Variants in ERC2 observed in about 807,000 individuals in gnomAD.
ERC2 encodes ERC protein 2.
A neutral mutation model predicts 114.8 loss-of-function variants in ERC2; 42 were observed. That is an observed-to-expected ratio of 0.37 (90% confidence interval 0.29 to 0.47). The LOEUF (loss-of-function observed/expected upper bound fraction) is 0.47, where lower values mean the gene tolerates loss of function less well. Ranked by LOEUF, ERC2 falls within the 20% of genes least tolerant of loss-of-function variation. The probability of loss-of-function intolerance (pLI) is 0.99; values close to 1 mark genes in which losing one functional copy is unlikely to be tolerated. For synonymous variants in ERC2, 454 were observed against 425.5 expected (o/e 1.07, Z -0.82); for missense variants, 939 against 1,150.7 (o/e 0.82, Z 2.66).
intron 17 of ERC2, among the ~76,000 whole-genome samples, chr3:55,681,591 G>A (rs970847162): frequency 6.6e-6 from 1 of 152,174 alleles, no homozygotes; most frequent in African/African-American, 2.4e-5. Context: ...TTAAAAGCCT[G>A]AGGATATCTA....
intron 14 of ERC2, among the ~76,000 whole-genome samples, chr3:55,854,365 T>A (rs2149248735): frequency 6.6e-6 from 1 of 152,290 alleles, no homozygotes; most frequent in East Asian, 1.9e-4. Context: ...TTTGTAGTTG[T>A]TTTGTTTTGT....
intron 17 of ERC2, among the ~76,000 whole-genome samples, chr3:55,585,164 C>T (rs923211742): frequency 6.6e-6 from 1 of 152,176 alleles, no homozygotes; most frequent in South Asian, 2.1e-4. Flanking sequence ...GGTCCAGATT[C>T]TCTGGCCTGA....
rs1221772646 is a variant in ERC2 at position 56,170,609 on chromosome 3, T to G, written c.1149+2837A>C. Among the ~76,000 whole-genome samples the G allele has an allele frequency of 7.2e-4, 106 of 147,142 alleles. 1 individual carries two copies. The highest frequency in any genetic ancestry group is 2.7e-3 in the African/African-American group (104 of 39,218). On this transcript the variant is annotated intron_variant, in intron 4 of 17. Coordinates refer to ENST00000288221, the MANE Select transcript of ERC2 (RefSeq NM_015576.3). ...TGTTTTTTTTTTTTTTTTTTTTTTT[T>G]TTTTTGAGGTAGTGTCTCACTATGT... is the stretch of plus-strand genomic sequence containing the variant.
intron 17 of ERC2, among the ~76,000 whole-genome samples, chr3:55,566,786 C>A (rs903912039): frequency 1.8e-4 from 28 of 152,082 alleles, no homozygotes; most frequent in African/African-American, 6.5e-4. Context: ...GAAACCTCTG[C>A]CTCCTGGGTT....
chr3:55,797,515 C>T (rs572142242), intron 14 of ERC2, among the ~76,000 whole-genome samples: 18 of 152,274 alleles, frequency 1.2e-4, no homozygotes, highest in Admixed American at 9.8e-4. Flanking sequence ...CAGTCACTTG[C>T]GGTTCCCACT....
intron 14 of ERC2, among the ~76,000 whole-genome samples, chr3:55,864,154 T>TATATATAC (rs1559783061): frequency 1.1e-4 from 12 of 111,988 alleles, no homozygotes; most frequent in African/African-American, 4.6e-4. Flanking sequence ...TATATATATA[T>TATATATAC]ACACATATAT....
At chr3:56,186,486 T>C (rs2083625337) in intron 3 of ERC2, among the ~76,000 whole-genome samples, 1 of 152,166 alleles carries the variant, frequency 6.6e-6, no homozygotes, top group Non-Finnish European at 1.5e-5. Flanking sequence ...CCAATGTCTT[T>C]CTTACTACAG....
intron 17 of ERC2, among the ~76,000 whole-genome samples, chr3:55,616,275 A>G (rs2059118857): frequency 6.6e-6 from 1 of 151,478 alleles, no homozygotes. Context: ...TGAGGAACCA[A>G]GATTTGGATA....
chr3:56,341,996 C>T (rs2058107174), intron 2 of ERC2, among the ~76,000 whole-genome samples: 1 of 152,196 alleles, frequency 6.6e-6, no homozygotes, highest in Admixed American at 6.5e-5. Flanking sequence ...GGGAAGCAAG[C>T]ATGTGGTCCT....
In ERC2 at chr3:55,878,313, C is replaced by T. The variant is rs149456087; in HGVS notation, c.2564+10076G>A. ...TATACATACAGTGCATGTTTTTGGC[C>T]GGAAGACAGTGTGTCCCTTATTTTG... On this transcript the variant is annotated intron_variant, in intron 14 of 17. Coordinates refer to ENST00000288221, the MANE Select transcript of ERC2 (RefSeq NM_015576.3). Among the ~76,000 whole-genome samples, 1,406 of 152,140 alleles carry T rather than the reference C, an allele frequency of 9.2e-3. 9 individuals are homozygous for T. The highest frequency in any genetic ancestry group is 0.014 in the Non-Finnish European group (959 of 67,994).
intron 14 of ERC2, among the ~76,000 whole-genome samples, chr3:55,816,903 T>C (rs193163436): frequency 1.3e-3 from 195 of 152,288 alleles, no homozygotes; most frequent in Non-Finnish European, 2.2e-3. Flanking sequence ...TGAAAAGATT[T>C]TCTGCTGTCT....
intron 2 of ERC2, among the ~76,000 whole-genome samples, chr3:56,299,531 G>A (rs2055719663): frequency 6.6e-6 from 1 of 151,900 alleles, no homozygotes; most frequent in South Asian, 2.1e-4. Flanking sequence ...CTGGGTTCAA[G>A]TGATCCTCCC....
At chr3:55,927,406 GT>G (rs1033678415) in intron 13 of ERC2, among the ~76,000 whole-genome samples, 5 of 151,858 alleles carry the variant, frequency 3.3e-5, no homozygotes, top group Admixed American at 1.3e-4. Flanking sequence ...CCATCCTTTT[GT>G]TTTTTTGCTT....
intron 3 of ERC2, among the ~76,000 whole-genome samples, chr3:56,231,758 T>A (rs114566728): frequency 0.014 from 2,118 of 152,236 alleles, 54 homozygotes; most frequent in African/African-American, 0.048. Flanking sequence ...GATCTCTTCA[T>A]GAAAAATAAT....
At chr3:56,249,880 C>T (rs1421084240) in intron 3 of ERC2, among the ~76,000 whole-genome samples, 6 of 89,738 alleles carry the variant, frequency 6.7e-5, no homozygotes, top group Admixed American at 5.3e-4. Flanking sequence ...TTTTTTGAGA[C>T]GGAGTCTTAC....
At chr3:55,541,323 A>G (rs956922367) in intron 17 of ERC2, among the ~76,000 whole-genome samples, 12 of 152,090 alleles carry the variant, frequency 7.9e-5, no homozygotes, top group African/African-American at 2.9e-4. Context: ...AGACGCTGAA[A>G]CAGCCAAAAA....
At chr3:56,195,782 G>A (rs1025820461) in intron 3 of ERC2, among the ~76,000 whole-genome samples, 23 of 151,974 alleles carry the variant, frequency 1.5e-4, no homozygotes, top group African/African-American at 5.1e-4. Flanking sequence ...AGCTGAGATT[G>A]TGCCACTGCA....
chr3:55,962,343 C>T (rs1339319113), intron 12 of ERC2, among the ~76,000 whole-genome samples: 1 of 152,196 alleles, frequency 6.6e-6, no homozygotes, highest in Non-Finnish European at 1.5e-5. Flanking sequence ...GGCCATATGG[C>T]CTCTGTCAAA....
chr3:56,199,568 C>A (rs2048295235), intron 3 of ERC2, among the ~76,000 whole-genome samples: 1 of 151,978 alleles, frequency 6.6e-6, no homozygotes, highest in Non-Finnish European at 1.5e-5. Flanking sequence ...AGTGGAGGGG[C>A]ATCATCATAG....
Sources: gnomAD v4.1 joint callset for allele counts (sites outside exome capture counted in the v4.1 genomes callset) on GRCh38, gnomAD v4.1.1 for gene constraint, MANE v1.5 for transcripts, NCBI Gene and HGNC (gene_info 2026-07-23, HGNC 2026-07-21) for gene names.